The following RSF1 variants were observed in gnomAD, a reference collection of about 807,000 sequenced individuals.
RSF1 encodes remodeling and spacing factor 1, also known as HBV pX-associated protein 8.
Under a neutral mutation model 145.2 loss-of-function variants are expected in RSF1, and 13 were observed. The ratio of observed to expected loss-of-function variants is 0.09; its 90% CI spans 0.06 to 0.14. The LOEUF (loss-of-function observed/expected upper bound fraction) is 0.14. Among genes scored for constraint, RSF1 ranks in the 10% least tolerant of loss-of-function variants. The pLI is 1.00. For missense variants in RSF1, 1,517 were observed against 1,718.2 expected (o/e 0.88, Z 2.07); for synonymous variants, 577 against 592.6 (o/e 0.97, Z 0.38).
upstream of RSF1, among the ~76,000 whole-genome samples, chr11:77,823,655 C>T (rs1949041934): frequency 6.6e-6 from 1 of 150,802 alleles, no homozygotes. Context: ...ATAATTTGAC[C>T]CAGAATACAG....
At chr11:77,786,347 C>G (rs1044241259) in intron 1 of RSF1, among the ~76,000 whole-genome samples, 1 of 151,920 alleles carries the variant, frequency 6.6e-6, no homozygotes, top group African/African-American at 2.4e-5. Flanking sequence ...CTGATCAGCA[C>G]GCGAATAAAA....
chr11:77,793,875 T>C (rs1177888065), intron 1 of RSF1, among the ~76,000 whole-genome samples: 1 of 151,130 alleles, frequency 6.6e-6, no homozygotes, highest in Non-Finnish European at 1.5e-5. Context: ...CCAAACAAGC[T>C]CTCAGGGGTA....
At chr11:77,770,200 T>C (rs1472285768) in intron 1 of RSF1, among the ~76,000 whole-genome samples, 1 of 152,172 alleles carries the variant, frequency 6.6e-6, no homozygotes, top group Non-Finnish European at 1.5e-5. Flanking sequence ...TGGTGGCTCG[T>C]GCCTGTAATC....
At chr11:77,828,268 C>T in the RSF1 span, among the ~76,000 whole-genome samples, 2 of 151,880 alleles carry the variant, frequency 1.3e-5, no homozygotes, top group African/African-American at 4.8e-5. Context: ...GAGCGCAACT[C>T]TGTCTCAAAA....
chr11:77,734,183 ACTT>A (rs897130022), intron 4 of RSF1, among the ~76,000 whole-genome samples: 19 of 152,304 alleles, frequency 1.2e-4, no homozygotes, highest in African/African-American at 4.6e-4. Flanking sequence ...AAACTTAACT[ACTT>A]CTATTGTTTT....
chr11:77,838,613 A>T, the RSF1 span, among the ~76,000 whole-genome samples: 3 of 131,818 alleles, frequency 2.3e-5, no homozygotes, highest in Admixed American at 7.9e-5. Flanking sequence ...TGATACAAGT[A>T]CCTTTTTTTT....
the RSF1 span, among the ~76,000 whole-genome samples, chr11:77,852,140 G>A: frequency 4.8e-5 from 7 of 146,970 alleles, no homozygotes; most frequent in South Asian, 4.3e-4. Flanking sequence ...GACGAGGGAC[G>A]AGATGGGAGG....
At chr11:77,746,589 C>T (rs1303719591) in intron 3 of RSF1, among the ~76,000 whole-genome samples, 1 of 152,150 alleles carries the variant, frequency 6.6e-6, no homozygotes, top group African/African-American at 2.4e-5. Flanking sequence ...GAAAGGAAAA[C>T]TCAAACTTGT....
At chr11:77,691,103 G>C in intron 9 of RSF1, 56 bp downstream of exon 9, 3 of 1,496,892 alleles carry the variant, frequency 2.0e-6, no homozygotes, top group Non-Finnish European at 1.9e-6. Flanking sequence ...TCCATACAGT[G>C]AGACAATTCT....
chr11:77,766,963 G>C (rs571307544), intron 1 of RSF1, among the ~76,000 whole-genome samples: 19 of 152,300 alleles, frequency 1.2e-4, no homozygotes, highest in African/African-American at 4.1e-4. Flanking sequence ...ACAGATCTGA[G>C]AAATGTTTAG....
At chr11:77,770,004 CATA>C (rs760331605) in intron 1 of RSF1, among the ~76,000 whole-genome samples, 1 of 152,182 alleles carries the variant, frequency 6.6e-6, no homozygotes, top group Non-Finnish European at 1.5e-5. Flanking sequence ...GCAGTTTTAG[CATA>C]ATGAGACTGA....
intron 1 of RSF1, among the ~76,000 whole-genome samples, chr11:77,819,993 G>A (rs1268991832): frequency 1.3e-5 from 2 of 152,200 alleles, no homozygotes; most frequent in Admixed American, 6.5e-5. Context: ...AACAGAGGGA[G>A]GGAGAGTTGA....
chr11:77,669,533 T>C (rs1292938504), intron 15 of RSF1, among the ~76,000 whole-genome samples: 1 of 152,222 alleles, frequency 6.6e-6, no homozygotes, highest in Non-Finnish European at 1.5e-5. Flanking sequence ...ACTAGTCACA[T>C]GTGGTTATTT....
chr11:77,712,268 G>A (rs1446147299), intron 5 of RSF1, among the ~76,000 whole-genome samples: 1 of 152,178 alleles, frequency 6.6e-6, no homozygotes, highest in African/African-American at 2.4e-5. Flanking sequence ...ATAAATGGGA[G>A]TTCCCCTGCA....
chr11:77,746,463 A>G lies in RSF1; in HGVS notation c.372+573T>C, dbSNP rs143146881. 4.2e-3 allele frequency among the ~76,000 whole-genome samples: 635 copies of G among 152,312 alleles called. 2 individuals carry two copies. Among genetic ancestry groups the G allele is most frequent in the African/African-American group, 0.015 (612 of 41,574 alleles). On this transcript the variant is annotated intron_variant, in intron 3 of 15. Transcript: ENST00000308488. ...AGAAGCCTACTTACAAAACATTATA[A>G]ATTTTAGAAGTAGCAAAAACTTCAT...
At chr11:77,768,996 A>T (rs1259416993) in intron 1 of RSF1, among the ~76,000 whole-genome samples, 1 of 152,172 alleles carries the variant, frequency 6.6e-6, no homozygotes, top group African/African-American at 2.4e-5. Flanking sequence ...TTTTTAAATT[A>T]TCTTAAATTT....
At chr11:77,691,824 C>T (rs1960156649) in intron 8 of RSF1, 1 of 152,180 alleles carries the variant, frequency 6.6e-6, no homozygotes, top group Non-Finnish European at 1.5e-5. Context: ...GAAAAATGTA[C>T]TTGATAATAA....
chr11:77,683,808 A>G lies in RSF1; in HGVS notation c.2967T>C (p.Phe989=), dbSNP rs767074884. 34 of 1,610,966 alleles carry G rather than the reference A, an allele frequency of 2.1e-5. No individual in the cohort carries two copies. The highest frequency in any genetic ancestry group is 2.8e-5 in the Non-Finnish European group (33 of 1,179,172). Residue 989 remains phenylalanine, a synonymous_variant, in exon 11 of 16, where the codon TTT becomes TTC. Coordinates refer to ENST00000308488, the MANE Select transcript of RSF1 (RefSeq NM_016578.4). The part of the protein sequence containing the change: ...ENIIPPQEPD[F]SEDQEEKKKD... Reference sequence around the variant, plus strand: ...TTTTCTTTTCTTCTTGATCTTCAGAAAAGTCTGGCTCCTTAAAAAATATGA... The same window carrying G: ...TTTTCTTTTCTTCTTGATCTTCAGAGAAGTCTGGCTCCTTAAAAAATATGA...
At chr11:77,723,728 G>C (rs1393867625) in intron 5 of RSF1, among the ~76,000 whole-genome samples, 4 of 152,262 alleles carry the variant, frequency 2.6e-5, no homozygotes, top group Non-Finnish European at 5.9e-5. Context: ...TTCTATAAAT[G>C]GTTTCCTGAG....
Sources: allele counts gnomAD v4.1 joint callset (sites outside exome capture counted in the v4.1 genomes callset), GRCh38; gene constraint gnomAD v4.1.1; transcripts MANE v1.5; gene names NCBI Gene and HGNC (gene_info 2026-07-23, HGNC 2026-07-21).